DHRS7: variants seen among roughly 807,000 people sequenced by gnomAD.
DHRS7 encodes dehydrogenase/reductase 7.
A neutral mutation model predicts 38.9 loss-of-function variants in DHRS7; 34 were observed. The observed-to-expected ratio is 0.87, with a 90% CI of 0.66 to 1.16. The LOEUF (loss-of-function observed/expected upper bound fraction) is 1.16. Among genes scored for constraint, DHRS7 ranks in the 50% most tolerant of loss-of-function variants. The pLI is 0.00. For missense variants in DHRS7, 421 were observed against 407.0 expected, an observed-to-expected ratio of 1.03 and a Z score of -0.30; for synonymous variants, 158 against 153.1, an observed-to-expected ratio of 1.03 and a Z score of -0.24.
Position 60,153,179 on chromosome 14 carries a change from C to G in DHRS7, c.394-1G>C. 1 of 1,613,798 alleles carries G rather than the reference C, an allele frequency of 6.2e-7. No individual in the cohort carries two copies. Among genetic ancestry groups the G allele is most frequent in the Middle Eastern group, 1.6e-4 (1 of 6,062 alleles). ...CACCATTGTTGACCAGAATGTCGAT[C>G]TAGTTAAATAAAATCAGAAAAGGGG... On this transcript the variant is annotated splice_acceptor_variant, in intron 3 of 6. Coordinates refer to ENST00000557185, the MANE Select transcript of DHRS7 (RefSeq NM_016029.4). LOFTEE classifies it high-confidence loss of function. The surrounding 1 kb of genome is among the most constrained non-coding windows in gnomAD (Gnocchi z 4.4).
chr14:60,159,056 A>T, intron 1 of DHRS7: 1 of 462,766 alleles, frequency 2.2e-6, no homozygotes, highest in Non-Finnish European at 4.3e-6. Context: ...TTTGTATCCA[A>T]GGCCCAAAAG....
intron 1 of DHRS7, among the ~76,000 whole-genome samples, chr14:60,158,425 G>C (rs1184388139): frequency 6.6e-6 from 1 of 151,926 alleles, no homozygotes; most frequent in Non-Finnish European, 1.5e-5. Context: ...TTGACTACTT[G>C]TTGTTCCCAA....
At chr14:60,150,776 T>C (rs1171587408) in intron 4 of DHRS7, among the ~76,000 whole-genome samples, 2 of 152,212 alleles carry the variant, frequency 1.3e-5, no homozygotes, top group African/African-American at 4.8e-5. Flanking sequence ...TAAGGCACTT[T>C]TAACAGTAGA....
rs573251259 is a variant in DHRS7 at position 60,152,618 on chromosome 14, G to A, written c.633+321C>T. ...GAAGATTTAGTAGGAATAAGGATAA[G>A]GTGAAGAGTAACATGTTAAATAGAT... On this transcript the variant is annotated intron_variant, in intron 4 of 6. Coordinates refer to ENST00000557185, the MANE Select transcript of DHRS7 (RefSeq NM_016029.4). The A allele has an allele frequency of 6.0e-5, 18 of 301,990 alleles. No homozygotes were observed. In the East Asian group the frequency reaches 1.3e-3, roughly 21 times the overall value. 18.7% of individuals were successfully genotyped at this position (301,990 alleles called of 1,614,324 possible). A position where few individuals can be genotyped will look rare whatever the true frequency, so the allele number is the denominator to read the frequency against.
rs1896458109 is a variant in DHRS7 at position 60,148,324 on chromosome 14, G to T, written c.972+1029C>A. 6.6e-6 allele frequency: 1 copy of T among 152,032 alleles called. No individual in the cohort carries two copies. The highest frequency in any genetic ancestry group is 2.4e-5 in the African/African-American group (1 of 41,370). 9.4% of individuals were successfully genotyped at this position (152,032 alleles called of 1,614,324 possible). On this transcript the variant is annotated intron_variant, in intron 6 of 6. Transcript: ENST00000557185. The surrounding 1 kb of genome is among the most constrained non-coding windows in gnomAD (Gnocchi z 4.8). ...CATTGATTAATTTCTAAAAGAAGGT[G>T]GTAACAAAGTATATCAAAGGCTAAC...
intron 4 of DHRS7, 100 bp downstream of exon 4, chr14:60,152,839 C>T: frequency 1.4e-6 from 2 of 1,386,234 alleles, no homozygotes; most frequent in South Asian, 2.6e-5. Flanking sequence ...TCTGTCTCCC[C>T]ACATCACTTC....
chr14:60,169,157 A>AAAAAAAAAAAAAAAAAAAAAAC (rs1566539386), upstream of DHRS7: 4 of 150,120 alleles, frequency 2.7e-5, no homozygotes, highest in East Asian at 4.4e-4. Context: ...AAAAAAAAAA[A>AAAAAAAAAAAAAAAAAAAAAAC]AAAACCATTG....
intron 5 of DHRS7, 41 bp downstream of exon 5, chr14:60,150,024 A>G: frequency 6.3e-7 from 1 of 1,584,964 alleles, no homozygotes; most frequent in Non-Finnish European, 8.6e-7. Flanking sequence ...CCAATATATA[A>G]CTAGTAAACA....
chr14:60,158,232 G>GAAAAA lies in DHRS7; in HGVS notation c.134-2085_134-2081dup, dbSNP rs34207942. Reference sequence around the variant, plus strand: ...TGGGTGACAGAGTGAGACTCTGTCGGAAAAAAAAAAAAAAAAAAAAAAATC... The same window carrying GAAAAA: ...TGGGTGACAGAGTGAGACTCTGTCGGAAAAAAAAAAAAAAAAAAAAAAAAAAAATC... On this transcript the variant is annotated intron_variant, in intron 1 of 6. Transcript: ENST00000557185. 7.2e-5 allele frequency among the ~76,000 whole-genome samples: 6 copies of GAAAAA among 83,166 alleles called. No homozygotes were observed. In the East Asian group the frequency reaches 1.2e-3, roughly 17 times the overall value. The allele number at this position is 83,166 out of a possible 152,430, so 54.6% of individuals were successfully genotyped here.
In DHRS7 at chr14:60,146,582, T is replaced by C. The variant is rs1283531129; in HGVS notation, c.973-1569A>G. ...CAGTACCTTGAAGTGATACCTACAC[T>C]CCCATGTTCATTTTAGCATTATTCA... On this transcript the variant is annotated intron_variant, in intron 6 of 6. Coordinates refer to ENST00000557185, the MANE Select transcript of DHRS7 (RefSeq NM_016029.4). This position sits in a 1 kb window ranked among gnomAD's most constrained non-coding sequence, Gnocchi z 4.9. 1.3e-5 allele frequency: 2 copies of C among 152,090 alleles called. No homozygotes were observed. The highest frequency in any genetic ancestry group is 1.5e-5 in the Non-Finnish European group (1 of 68,018). 9.4% of individuals were successfully genotyped at this position (152,090 alleles called of 1,614,324 possible).
In DHRS7 at chr14:60,150,074, T is replaced by TTC; in HGVS notation, c.745_746dup (p.Val250LysfsTer6). On this transcript the variant is annotated frameshift_variant, in exon 5 of 7. Transcript: ENST00000557185. LOFTEE classifies it high-confidence loss of function. The stretch of plus-strand genomic sequence containing the variant: ...AACTAGAAATTTTTACCTTTGTGAC[T>TTC]TCTCCAGCTAGGGAATTCTCCACAA... 6.3e-7 allele frequency: 1 copy of TTC among 1,596,874 alleles called. No homozygotes were observed. The highest frequency in any genetic ancestry group is 8.5e-7 in the Non-Finnish European group (1 of 1,175,866).
At chr14:60,166,913 T>C (rs560104323), upstream of DHRS7, among the ~76,000 whole-genome samples, 2 of 151,728 alleles carry the variant, frequency 1.3e-5, no homozygotes, top group African/African-American at 2.4e-5. Flanking sequence ...AATTCTCCTT[T>C]CCTTGAAATT....
intron 2 of DHRS7, among the ~76,000 whole-genome samples, chr14:60,155,523 T>C (rs1236311286): frequency 6.6e-6 from 1 of 152,198 alleles, no homozygotes; most frequent in Non-Finnish European, 1.5e-5. Flanking sequence ...TATGTGAATA[T>C]GAAAGTATTA....
chr14:60,155,848 A>G (rs17097088), intron 2 of DHRS7, 152 bp downstream of exon 2: 167,883 of 760,302 alleles, frequency 0.22, 20,117 homozygotes, highest in East Asian at 0.42. Context: ...AGGGCAGCCA[A>G]TTAAGGCAAA....
intron 4 of DHRS7, chr14:60,152,601 A>G: frequency 4.3e-6 from 1 of 233,624 alleles, no homozygotes; most frequent in South Asian, 7.2e-5. Context: ...ATGAAGATTT[A>G]GTAGGAATAA....
intron 1 of DHRS7, among the ~76,000 whole-genome samples, chr14:60,158,255 A>AT (rs1896697553): frequency 6.6e-6 from 1 of 150,862 alleles, no homozygotes; most frequent in Admixed American, 6.6e-5. Context: ...AAAAAAAAAA[A>AT]TCTCAACTAA....
intron 1 of DHRS7, among the ~76,000 whole-genome samples, chr14:60,163,702 T>C (rs1361373126): frequency 6.6e-6 from 1 of 152,250 alleles, no homozygotes; most frequent in Non-Finnish European, 1.5e-5. Flanking sequence ...CTTAGAGATA[T>C]TCATTCAGAT....
chr14:60,165,697 A>G (rs1896858195), upstream of DHRS7: 2 of 998,698 alleles, frequency 2.0e-6, no homozygotes, highest in Non-Finnish European at 2.4e-6. This position sits in a 1 kb window ranked among gnomAD's most constrained non-coding sequence, Gnocchi z 4.6. Context: ...TCCTCTCTGT[A>G]CAGGGACACT....
chr14:60,149,123 C>A (rs940200242), intron 6 of DHRS7: 2 of 504,094 alleles, frequency 4.0e-6, no homozygotes, highest in African/African-American at 1.9e-5. Context: ...CAGGCATGCA[C>A]CACCATGCCC....
Sources: gnomAD v4.1 joint callset for allele counts (sites outside exome capture counted in the v4.1 genomes callset) on GRCh38, gnomAD v4.1.1 for gene constraint, Gnocchi (gnomAD v3.1) non-coding constraint, MANE v1.5 for transcripts, NCBI Gene and HGNC (gene_info 2026-07-23, HGNC 2026-07-21) for gene names.